The following POLR3G variants were observed in gnomAD, a reference collection of about 807,000 sequenced individuals.
The protein encoded by POLR3G is RNA polymerase III subunit G.
POLR3G carries 28 observed loss-of-function variants against 30.1 expected under a neutral mutation model. The ratio of observed to expected loss-of-function variants is 0.93; its 90% confidence interval spans 0.69 to 1.27. The LOEUF (loss-of-function observed/expected upper bound fraction) is 1.27. Among genes scored for constraint, POLR3G ranks in the 50% most tolerant of loss-of-function variants. The probability of loss-of-function intolerance (pLI) is 0.00; values close to 1 mark genes in which losing one functional copy is unlikely to be tolerated. For synonymous variants in POLR3G, 79 were observed against 82.5 expected, an observed-to-expected ratio of 0.96 and a Z score of 0.23; for missense variants, 254 against 264.6, an observed-to-expected ratio of 0.96 and a Z score of 0.28.
chr5:90,489,553 C>T (rs1360274317), intron 3 of POLR3G, among the ~76,000 whole-genome samples: 2 of 152,204 alleles, frequency 1.3e-5, no homozygotes. Context: ...AGACGTGAGC[C>T]ACCATGCCCG....
Position 90,514,271 on chromosome 5 carries a change from G to A in POLR3G, c.*2132G>A, listed in dbSNP as rs1752865491. The stretch of plus-strand genomic sequence containing the variant: ...ATAGGAAAGTGAATGTTATTTTGCA[G>A]AATTAGCCTCTTACATAAAAGTATT... On this transcript the variant is annotated 3_prime_UTR_variant, in exon 8 of 8. Coordinates refer to ENST00000651687, the MANE Select transcript of POLR3G (RefSeq NM_006467.3). 6.6e-6 allele frequency: 1 copy of A among 152,218 alleles called. No individual in the cohort carries two copies. Among genetic ancestry groups the A allele is most frequent in the South Asian group, 2.1e-4 (1 of 4,832 alleles). 9.4% of individuals were successfully genotyped at this position (152,218 alleles called of 1,614,324 possible).
Position 90,512,048 on chromosome 5 carries a change from C to T in POLR3G, c.586-5C>T. 1 of 1,571,506 alleles carries T rather than the reference C, an allele frequency of 6.4e-7. No individual in the cohort carries two copies. The stretch of plus-strand genomic sequence containing the variant: ...GTTTACAAAGGAATATATCATTTCA[C>T]TTAGGAAAATGACTACATTAATTCA... On this transcript the variant is annotated splice_polypyrimidine_tract_variant and splice_region_variant and intron_variant, in intron 7 of 7. Transcript: ENST00000651687.
At chr5:90,474,613 G>A, upstream of POLR3G, 1 of 370,888 alleles carries the variant, frequency 2.7e-6, no homozygotes, top group Non-Finnish European at 4.9e-6. Context: ...GGCCACTGCA[G>A]CAGAATGGAG....
At chr5:90,481,636 G>A (rs1751125926) in intron 1 of POLR3G, among the ~76,000 whole-genome samples, 1 of 152,024 alleles carries the variant, frequency 6.6e-6, no homozygotes, top group Non-Finnish European at 1.5e-5. Context: ...ATTGTATAGG[G>A]CACTGACCTA....
intron 7 of POLR3G, among the ~76,000 whole-genome samples, chr5:90,511,335 AGTTT>A (rs58891677): frequency 0.35 from 53,597 of 151,816 alleles, 9,872 homozygotes; most frequent in Non-Finnish European, 0.42. Context: ...TGTCTCAAAA[AGTTT>A]GTTTGTTCCA....
intron 3 of POLR3G, among the ~76,000 whole-genome samples, chr5:90,492,799 G>A (rs936420885): frequency 2.1e-4 from 29 of 136,096 alleles, no homozygotes; most frequent in African/African-American, 7.1e-4. Flanking sequence ...GGAGAGTGGA[G>A]TCAACCTGGG....
intron 1 of POLR3G, among the ~76,000 whole-genome samples, chr5:90,479,404 C>T (rs1042983916): frequency 2.0e-5 from 3 of 151,998 alleles, no homozygotes; most frequent in South Asian, 2.1e-4. Context: ...ACCCGGGAGG[C>T]GGAGGTTGCA....
In POLR3G at chr5:90,501,907, A is replaced by G; in HGVS notation, c.357A>G (p.Ala119=). The change falls in exon 6 of 8, where the codon GCA becomes GCG. Residue 119 remains alanine (A), a splice_region_variant and synonymous_variant. Transcript: ENST00000651687. ...EMMPRNKCKK[A]GPKPKKAKDA... ...TGTTAACTGGTAGTTTTACTTCAGC[A>G]GGCCCAAAACCCAAAAAGGCAAAAG... 1 of 1,613,202 alleles carries G rather than the reference A, an allele frequency of 6.2e-7. No individual in the cohort carries two copies. Among genetic ancestry groups the G allele is most frequent in the Non-Finnish European group, 8.5e-7 (1 of 1,179,460 alleles).
chr5:90,495,948 T>A (rs968469361), intron 4 of POLR3G, among the ~76,000 whole-genome samples: 6 of 151,150 alleles, frequency 4.0e-5, no homozygotes, highest in Non-Finnish European at 7.4e-5. Flanking sequence ...GTTCTTAAAA[T>A]ATATATATAT....
intron 3 of POLR3G, among the ~76,000 whole-genome samples, chr5:90,490,279 T>G (rs962835112): frequency 1.3e-4 from 19 of 151,622 alleles, no homozygotes; most frequent in Non-Finnish European, 2.4e-4. Context: ...TAAGGGTTTT[T>G]TTTTTTTTTT....
At position 90,506,776 on chromosome 5, in the gene POLR3G, A is replaced by T. The variant is rs1239056815; in HGVS notation, c.585+102A>T. On this transcript the variant is annotated intron_variant, in intron 7 of 7. Transcript: ENST00000651687. Reference sequence around the variant, plus strand: ...AAATCAATAAACAGAAACCAAGATGATGGGAACCAGAAGTATATTATTATC... The same window carrying T: ...AAATCAATAAACAGAAACCAAGATGTTGGGAACCAGAAGTATATTATTATC... The T allele has an allele frequency of 2.2e-6, 3 of 1,387,770 alleles. No individual in the cohort carries two copies. In the East Asian group the frequency reaches 7.6e-5, roughly 35 times the overall value. 86.0% of individuals were successfully genotyped at this position (1,387,770 alleles called of 1,614,324 possible).
intron 3 of POLR3G, among the ~76,000 whole-genome samples, chr5:90,493,076 G>A (rs190404339): frequency 2.0e-4 from 30 of 152,296 alleles, no homozygotes; most frequent in Admixed American, 5.2e-4. Flanking sequence ...CTGGGATCAG[G>A]ACGTACAGAA....
At chr5:90,511,511 T>A (rs1345429490) in intron 7 of POLR3G, among the ~76,000 whole-genome samples, 1 of 152,146 alleles carries the variant, frequency 6.6e-6, no homozygotes, top group Non-Finnish European at 1.5e-5. Flanking sequence ...ATTTTCTGAG[T>A]TATTTGCATG....
intron 2 of POLR3G, among the ~76,000 whole-genome samples, chr5:90,487,111 G>T (rs1055602781): frequency 6.6e-6 from 1 of 152,058 alleles, no homozygotes; most frequent in Non-Finnish European, 1.5e-5. Context: ...AACTTGAAAT[G>T]CAGCTTCAAA....
intron 3 of POLR3G, among the ~76,000 whole-genome samples, 160 bp from the exon 4 acceptor site, chr5:90,495,517 C>A (rs1280954981): frequency 6.6e-6 from 1 of 152,136 alleles, no homozygotes; most frequent in African/African-American, 2.4e-5. Flanking sequence ...CCTTGCCTAC[C>A]CCTACCCTTT....
At chr5:90,487,378 ATTTTTTTTTTTT>A (rs59951999) in intron 2 of POLR3G, among the ~76,000 whole-genome samples, 2 of 57,028 alleles carry the variant, frequency 3.5e-5, no homozygotes, top group East Asian at 6.0e-4. Context: ...TGGTACATTA[ATTTTTTTTTTTT>A]TTTTTTTTTT....
At chr5:90,509,533 G>A (rs1216643959) in intron 7 of POLR3G, among the ~76,000 whole-genome samples, 6 of 152,106 alleles carry the variant, frequency 3.9e-5, no homozygotes, top group Non-Finnish European at 5.9e-5. Context: ...ATGCTATAGC[G>A]GCATATAAGA....
upstream of POLR3G, chr5:90,474,362 G>A: frequency 2.1e-6 from 3 of 1,404,624 alleles, no homozygotes; most frequent in Non-Finnish European, 3.0e-6. Flanking sequence ...TCCACACACA[G>A]GGCACTGCGG....
intron 6 of POLR3G, among the ~76,000 whole-genome samples, chr5:90,502,985 G>T (rs544244043): frequency 6.6e-6 from 1 of 151,960 alleles, no homozygotes; most frequent in Non-Finnish European, 1.5e-5. Flanking sequence ...GAAGTATTTG[G>T]TCAGTACATA....
Sources: allele counts gnomAD v4.1 joint callset (sites outside exome capture counted in the v4.1 genomes callset), GRCh38; gene constraint gnomAD v4.1.1; transcripts MANE v1.5; gene names NCBI Gene and HGNC (gene_info 2026-07-23, HGNC 2026-07-21).